Variants in CCSER1 observed in about 807,000 individuals in gnomAD.
CCSER1 encodes coiled-coil serine rich protein 1.
Under a neutral mutation model 82.0 loss-of-function variants are expected in CCSER1, and 41 were observed. That is an observed-to-expected ratio of 0.50 (90% CI 0.39 to 0.65). CCSER1 has a LOEUF of 0.65. CCSER1 is among the 30% of genes least tolerant of loss of function. The pLI is 0.00. For synonymous variants in CCSER1, 414 were observed against 383.9 expected (o/e 1.08, Z -0.92); for missense variants, 1,119 against 1,064.2 (o/e 1.05, Z -0.72).
intron 10 of CCSER1, among the ~76,000 whole-genome samples, chr4:91,563,689 A>C (rs1273917753): frequency 6.6e-6 from 1 of 151,796 alleles, no homozygotes; most frequent in Non-Finnish European, 1.5e-5. Context: ...AGTACTTGAC[A>C]TCGTAACCAG....
At chr4:90,443,869 G>A (rs1370870609) in intron 4 of CCSER1, among the ~76,000 whole-genome samples, 4 of 151,706 alleles carry the variant, frequency 2.6e-5, no homozygotes, top group African/African-American at 4.8e-5. Context: ...ATGAATGCAC[G>A]CATATACATA....
chr4:90,920,172 G>T (rs1415402850), intron 8 of CCSER1, among the ~76,000 whole-genome samples: 1 of 151,730 alleles, frequency 6.6e-6, no homozygotes, highest in Non-Finnish European at 1.5e-5. Context: ...ACACTTCCGC[G>T]GTTTGTCTTC....
At chr4:91,255,169 A>G (rs1222833258) in intron 10 of CCSER1, among the ~76,000 whole-genome samples, 1 of 152,208 alleles carries the variant, frequency 6.6e-6, no homozygotes, top group Non-Finnish European at 1.5e-5. Flanking sequence ...TCTGGCACAT[A>G]GAGGTCAAGG....
chr4:91,007,128 G>T (rs1273457440), intron 9 of CCSER1, among the ~76,000 whole-genome samples: 1 of 152,120 alleles, frequency 6.6e-6, no homozygotes, highest in Non-Finnish European at 1.5e-5. Context: ...AGTCCCACTT[G>T]TTGTGGGACT....
intron 10 of CCSER1, among the ~76,000 whole-genome samples, chr4:91,493,904 C>T (rs1296276376): frequency 6.6e-6 from 1 of 151,650 alleles, no homozygotes; most frequent in Non-Finnish European, 1.5e-5. Flanking sequence ...CTCTGTAGTT[C>T]AATATTATTA....
At chr4:90,970,143 G>C (rs9647459) in intron 9 of CCSER1, among the ~76,000 whole-genome samples, 14,480 of 151,768 alleles carry the variant, frequency 0.095, 880 homozygotes, top group Admixed American at 0.17. Flanking sequence ...AAGCTTTCCA[G>C]TAAAAATAGA....
At chr4:91,088,501 G>A (rs1025869073) in intron 10 of CCSER1, among the ~76,000 whole-genome samples, 1 of 152,108 alleles carries the variant, frequency 6.6e-6, no homozygotes, top group African/African-American at 2.4e-5. Flanking sequence ...ATAAGTTAAG[G>A]AGAAGTGATT....
intron 5 of CCSER1, among the ~76,000 whole-genome samples, chr4:90,564,368 T>G (rs570775619): frequency 2.8e-4 from 43 of 152,262 alleles, no homozygotes; most frequent in African/African-American, 1.0e-3. Flanking sequence ...TGTTTAAAAT[T>G]GAGTTATTTG....
chr4:90,520,265 A>G (rs1188889993), intron 5 of CCSER1, among the ~76,000 whole-genome samples: 3 of 151,634 alleles, frequency 2.0e-5, no homozygotes, highest in African/African-American at 7.3e-5. Flanking sequence ...ACCTGTGTAT[A>G]TATAGCAATT....
chr4:91,171,133 TAAC>T (rs1458644082), intron 10 of CCSER1, among the ~76,000 whole-genome samples: 6 of 152,192 alleles, frequency 3.9e-5, no homozygotes, highest in Non-Finnish European at 7.4e-5. Flanking sequence ...ATCAGTATAA[TAAC>T]ATTATCACAT....
intron 5 of CCSER1, among the ~76,000 whole-genome samples, chr4:90,621,989 T>C (rs544686447): frequency 1.3e-5 from 2 of 152,362 alleles, no homozygotes; most frequent in Admixed American, 1.3e-4. Flanking sequence ...CTTTCTTTCA[T>C]ATGGCACCTG....
At chr4:91,049,106 G>T (rs1212040201) in intron 9 of CCSER1, among the ~76,000 whole-genome samples, 2 of 152,052 alleles carry the variant, frequency 1.3e-5, no homozygotes, top group African/African-American at 4.8e-5. Context: ...ATATTAACTA[G>T]GGGTGACTGT....
chr4:91,598,666 C>T lies in CCSER1; in HGVS notation c.2312C>T (p.Ala771Val), dbSNP rs1764696425. 1 of 1,551,340 alleles carries T rather than the reference C, an allele frequency of 6.4e-7. No homozygotes were observed. Among genetic ancestry groups the T allele is most frequent in the South Asian group, 1.2e-5 (1 of 84,058 alleles). ...TPTEDRFRYS[A>V]ADQTSPYKNK... Reference sequence around the variant, plus strand: ...ACCGAGGACCGTTTTAGGTATTCGGCAGCGGACCAGACAAGCCCCTACAAA... The same window carrying T: ...ACCGAGGACCGTTTTAGGTATTCGGTAGCGGACCAGACAAGCCCCTACAAA... Residue 771 changes from alanine (A) to valine (V), a missense_variant, in exon 11 of 11, where the codon GCA becomes GTA. Ala to Val is a moderately conservative substitution (Grantham distance 64). Transcript: ENST00000509176.
chr4:90,536,726 C>T (rs1358817303), intron 5 of CCSER1, among the ~76,000 whole-genome samples: 8 of 152,186 alleles, frequency 5.3e-5, no homozygotes, highest in Admixed American at 2.6e-4. Flanking sequence ...ACTGATGCTG[C>T]ATTGAATTTA....
At chr4:91,421,798 TAAAA>T (rs1320174835) in intron 10 of CCSER1, among the ~76,000 whole-genome samples, 1 of 149,090 alleles carries the variant, frequency 6.7e-6, no homozygotes, top group Non-Finnish European at 1.5e-5. Flanking sequence ...AATTAAAAAT[TAAAA>T]AAAGTTAAAA....
intron 10 of CCSER1, among the ~76,000 whole-genome samples, chr4:91,305,078 C>A (rs1294355564): frequency 2.6e-5 from 4 of 151,904 alleles, no homozygotes; most frequent in Non-Finnish European, 1.5e-5. Context: ...TCTTTTCATT[C>A]TCCCTAAGAA....
At chr4:91,148,746 ATTC>A (rs1729807717) in intron 10 of CCSER1, among the ~76,000 whole-genome samples, 1 of 152,046 alleles carries the variant, frequency 6.6e-6, no homozygotes. Flanking sequence ...TTGGTTTTCT[ATTC>A]TTACGATAGT....
rs188355044 is a variant in CCSER1 at position 91,453,445 on chromosome 4, T to A, written c.2218-145127T>A. On this transcript the variant is annotated intron_variant, in intron 10 of 10. Transcript: ENST00000509176. ...GCTTCCTGTGAAATTGAGTGGCCCC[T>A]TTTTATTTCTCTGTTACAAATGTTT... is the stretch of plus-strand genomic sequence containing the variant. Among the ~76,000 whole-genome samples, 54 of 152,138 alleles carry A rather than the reference T, an allele frequency of 3.5e-4. No individual in the cohort carries two copies. The Middle Eastern group carries it at 0.017, about 48-fold the overall frequency.
intron 10 of CCSER1, among the ~76,000 whole-genome samples, chr4:91,172,537 G>A (rs1732868433): frequency 6.6e-6 from 1 of 152,212 alleles, no homozygotes; most frequent in Non-Finnish European, 1.5e-5. Flanking sequence ...GACTTTGGAA[G>A]CAATGATTAA....
Sources: gnomAD v4.1 joint callset for allele counts (sites outside exome capture counted in the v4.1 genomes callset) on GRCh38, gnomAD v4.1.1 for gene constraint, MANE v1.5 for transcripts, NCBI Gene and HGNC (gene_info 2026-07-23, HGNC 2026-07-21) for gene names.